The following UBE2E2 variants were observed in gnomAD, a reference collection of about 807,000 sequenced individuals.
The protein encoded by UBE2E2 is ubiquitin-conjugating enzyme E2 E2.
A neutral mutation model predicts 24.7 loss-of-function variants in UBE2E2; 6 were observed. The ratio of observed to expected loss-of-function variants is 0.24; its 90% CI spans 0.13 to 0.48. UBE2E2 has a LOEUF of 0.48. Ranked by LOEUF, UBE2E2 falls within the 20% of genes least tolerant of loss-of-function variation. UBE2E2 has a pLI of 0.99. For synonymous variants in UBE2E2, 104 were observed against 83.6 expected, an observed-to-expected ratio of 1.24 and a Z score of -1.33; for missense variants, 169 against 245.0, an observed-to-expected ratio of 0.69 and a Z score of 2.07.
At chr3:23,531,607 C>A (rs966713565) in intron 4 of UBE2E2, among the ~76,000 whole-genome samples, 1 of 151,798 alleles carries the variant, frequency 6.6e-6, no homozygotes, top group Admixed American at 6.6e-5. Flanking sequence ...ACTAATATTA[C>A]GTTTTAAAAA....
chr3:23,268,796 C>T (rs1483893977), intron 3 of UBE2E2, among the ~76,000 whole-genome samples: 5 of 150,826 alleles, frequency 3.3e-5, no homozygotes, highest in Admixed American at 3.3e-4. Flanking sequence ...TACCTGACTT[C>T]AAACTATACT....
intron 3 of UBE2E2, among the ~76,000 whole-genome samples, chr3:23,437,512 G>A (rs945617253): frequency 6.6e-5 from 10 of 152,186 alleles, no homozygotes; most frequent in Non-Finnish European, 1.5e-4. Context: ...GGCATATAGT[G>A]ATTGCTCAGC....
chr3:23,539,905 C>G (rs758734993), intron 5 of UBE2E2, among the ~76,000 whole-genome samples: 61 of 152,226 alleles, frequency 4.0e-4, no homozygotes, highest in Non-Finnish European at 8.5e-4. Context: ...TAGATGGCCT[C>G]TAGACTCTCC....
chr3:23,298,854 G>T (rs549885637), intron 3 of UBE2E2, among the ~76,000 whole-genome samples: 50 of 152,176 alleles, frequency 3.3e-4, no homozygotes, highest in Non-Finnish European at 6.6e-4. Flanking sequence ...AATAGTTTCA[G>T]AAGGAATGGT....
intron 3 of UBE2E2, among the ~76,000 whole-genome samples, chr3:23,319,502 C>A (rs571395955): frequency 1.4e-3 from 214 of 152,190 alleles, no homozygotes; most frequent in African/African-American, 4.9e-3. Context: ...TTTGTATTAA[C>A]AAATTTAATT....
chr3:23,494,983 C>T (rs2125452296), intron 3 of UBE2E2, among the ~76,000 whole-genome samples: 1 of 152,180 alleles, frequency 6.6e-6, no homozygotes, highest in East Asian at 1.9e-4. Flanking sequence ...CCAAGTTGGC[C>T]AGGCTGGTCT....
At chr3:23,203,124 A>C (rs1039760819), upstream of UBE2E2, 1 of 982,164 alleles carries the variant, frequency 1.0e-6, no homozygotes, top group Admixed American at 6.3e-5. Flanking sequence ...GCGCGCGCGG[A>C]CGGCCGGGCG....
chr3:23,213,881 T>C (rs1696395725), intron 2 of UBE2E2, among the ~76,000 whole-genome samples: 2 of 152,184 alleles, frequency 1.3e-5, no homozygotes, highest in South Asian at 2.1e-4. Flanking sequence ...GTGTGAATTA[T>C]TGATACTTTT....
intron 3 of UBE2E2, among the ~76,000 whole-genome samples, chr3:23,315,117 A>G (rs967265422): frequency 6.6e-6 from 1 of 151,958 alleles, no homozygotes; most frequent in African/African-American, 2.4e-5. Context: ...TATTTTCTAG[A>G]TCTTGTGTTA....
At chr3:23,529,418 T>G (rs1695070198) in intron 4 of UBE2E2, among the ~76,000 whole-genome samples, 1 of 137,608 alleles carries the variant, frequency 7.3e-6, no homozygotes, top group African/African-American at 2.8e-5. Context: ...TCTTTATTTC[T>G]TACAACTGTA....
chr3:23,295,934 T>C lies in UBE2E2; in HGVS notation c.227+78622T>C, dbSNP rs182287179. On this transcript the variant is annotated intron_variant, in intron 3 of 5. Coordinates refer to ENST00000396703, the MANE Select transcript of UBE2E2 (RefSeq NM_152653.4). ...TTCCTGCCACAATGGTTAGAAACTA[T>C]TTTTTAAACATTGAAATCTAAATAA... Among the ~76,000 whole-genome samples the C allele has an allele frequency of 6.4e-4, 98 of 152,304 alleles. 5 individuals are homozygous for C. The highest frequency in any genetic ancestry group is 6.0e-3 in the East Asian group (31 of 5,194).
intron 2 of UBE2E2, among the ~76,000 whole-genome samples, chr3:23,214,864 A>T (rs1452656193): frequency 1.3e-5 from 2 of 151,820 alleles, no homozygotes; most frequent in Non-Finnish European, 2.9e-5. Flanking sequence ...CTTGAAGCAG[A>T]CTGTTTAGCT....
intron 3 of UBE2E2, among the ~76,000 whole-genome samples, chr3:23,346,759 G>C (rs774976684): frequency 6.6e-6 from 1 of 151,972 alleles, no homozygotes. Context: ...ACTCATTATA[G>C]AGTCATGAAC....
intron 3 of UBE2E2, among the ~76,000 whole-genome samples, chr3:23,372,351 T>C (rs1338457077): frequency 2.6e-5 from 4 of 152,150 alleles, no homozygotes; most frequent in Non-Finnish European, 5.9e-5. Flanking sequence ...TTTAAAGTGA[T>C]ACCACTGGAA....
At chr3:23,338,280 A>C (rs1695268931) in intron 3 of UBE2E2, among the ~76,000 whole-genome samples, 1 of 152,194 alleles carries the variant, frequency 6.6e-6, no homozygotes, top group Admixed American at 6.5e-5. Flanking sequence ...GTTTAAGATT[A>C]AGCAACTAAA....
chr3:23,444,206 T>G (rs1698375410), intron 3 of UBE2E2, among the ~76,000 whole-genome samples: 1 of 152,108 alleles, frequency 6.6e-6, no homozygotes, highest in African/African-American at 2.4e-5. Flanking sequence ...TTGTAACCGC[T>G]GGCTATGGAA....
intron 2 of UBE2E2, among the ~76,000 whole-genome samples, chr3:23,210,661 G>A (rs1193699328): frequency 6.6e-6 from 1 of 152,184 alleles, no homozygotes; most frequent in Admixed American, 6.5e-5. Flanking sequence ...CTAGTTTAGA[G>A]ATAATGTATG....
intron 3 of UBE2E2, among the ~76,000 whole-genome samples, chr3:23,428,881 C>T (rs928953936): frequency 3.1e-5 from 4 of 129,344 alleles, no homozygotes; most frequent in Non-Finnish European, 6.3e-5. Flanking sequence ...GAGCTGTCAT[C>T]ATACCATTGC....
intron 5 of UBE2E2, among the ~76,000 whole-genome samples, chr3:23,575,286 T>TA (rs1488551023): frequency 6.6e-6 from 1 of 152,204 alleles, no homozygotes; most frequent in Non-Finnish European, 1.5e-5. Flanking sequence ...GTGATGATGT[T>TA]ATGCTTACTA....
Sources: gnomAD v4.1 joint callset for allele counts (sites outside exome capture counted in the v4.1 genomes callset) on GRCh38, gnomAD v4.1.1 for gene constraint, MANE v1.5 for transcripts, NCBI Gene and HGNC (gene_info 2026-07-23, HGNC 2026-07-21) for gene names.